Variants in POLB observed in about 807,000 individuals in gnomAD.
POLB encodes 5'-dRP lyase.
In POLB, 37 loss-of-function variants were observed where a neutral mutation model predicts 52.7. The observed-to-expected ratio is 0.70, with a 90% CI of 0.54 to 0.92. POLB has a LOEUF of 0.92. Among genes scored for constraint, POLB ranks in the 40% least tolerant of loss-of-function variants. The probability of loss-of-function intolerance (pLI) is 0.00; values close to 1 mark genes in which losing one functional copy is unlikely to be tolerated. For missense variants in POLB, 313 were observed against 400.8 expected, an observed-to-expected ratio of 0.78 and a Z score of 1.87; for synonymous variants, 138 against 131.3, an observed-to-expected ratio of 1.05 and a Z score of -0.35.
chr8:42,338,597 ACT>A lies in POLB; in HGVS notation c.-25_-24del, dbSNP rs1227657982. On this transcript the variant is annotated 5_prime_UTR_variant, in exon 1 of 14. Coordinates refer to ENST00000265421, the MANE Select transcript of POLB (RefSeq NM_002690.3). The stretch of plus-strand genomic sequence containing the variant: ...AGGGCTCTAGTCCCTGGTTCTGAAC[ACT>A]CTGGGGTTCTCGGGTGCAGGCCGCC... 2.5e-6 allele frequency: 4 copies of A among 1,607,464 alleles called. No individual in the cohort carries two copies. In the South Asian group the frequency reaches 3.3e-5, roughly 13 times the overall value.
At chr8:42,345,178 A>G (rs926674783) in intron 3 of POLB, among the ~76,000 whole-genome samples, 159 bp downstream of exon 3, 15 of 152,190 alleles carry the variant, frequency 9.9e-5, no homozygotes, top group African/African-American at 3.1e-4. Flanking sequence ...TTTCATACAC[A>G]CTTTTTCAAG....
intron 1 of POLB, 51 bp downstream of exon 1, chr8:42,338,736 T>C: frequency 6.5e-7 from 1 of 1,526,982 alleles, no homozygotes; most frequent in Non-Finnish European, 9.1e-7. Context: ...TCCAGCCTCT[T>C]CCCCTGCCTT....
intron 6 of POLB, among the ~76,000 whole-genome samples, chr8:42,354,184 ATAAC>A (rs1427366215): frequency 2.8e-4 from 43 of 152,138 alleles, no homozygotes; most frequent in Non-Finnish European, 6.0e-4. Context: ...GTTGATATCT[ATAAC>A]TATATCTGTC....
rs1207537562 is a variant in POLB, at chr8:42,339,081, C to G, written c.119+12C>G. 2 of 1,602,842 alleles carry G rather than the reference C, an allele frequency of 1.2e-6. No individual in the cohort carries two copies. The highest frequency in any genetic ancestry group is 1.7e-6 in the Non-Finnish European group (2 of 1,169,816). On this transcript the variant is annotated intron_variant, in intron 2 of 13. Transcript: ENST00000265421. Reference sequence around the variant, plus strand: ...TACAATGCTTACAGGTGGGACAGTGCAGCATTCTCGGGTAGCATACGTTCT... The same window carrying G: ...TACAATGCTTACAGGTGGGACAGTGGAGCATTCTCGGGTAGCATACGTTCT...
chr8:42,369,430 T>G, intron 12 of POLB, 95 bp downstream of exon 12: 1 of 714,172 alleles, frequency 1.4e-6, no homozygotes, highest in Non-Finnish European at 2.4e-6. Context: ...CATTCATATC[T>G]AGAGCCTTTT....
chr8:42,348,959 A>T, intron 3 of POLB, 57 bp from the exon 4 acceptor site: 1 of 890,676 alleles, frequency 1.1e-6, no homozygotes, highest in Non-Finnish European at 1.8e-6. Context: ...TTTATCTTTT[A>T]GTGATTTGGT....
chr8:42,340,908 C>T (rs1271251878), intron 2 of POLB, among the ~76,000 whole-genome samples: 1 of 152,170 alleles, frequency 6.6e-6, no homozygotes, highest in Non-Finnish European at 1.5e-5. Flanking sequence ...TGGATCACAG[C>T]AGGTCTCAGA....
intron 11 of POLB, among the ~76,000 whole-genome samples, chr8:42,367,794 A>G (rs915244674): frequency 5.9e-5 from 9 of 152,144 alleles, no homozygotes; most frequent in African/African-American, 2.2e-4. Flanking sequence ...ATATAGTAAC[A>G]CTCAGAAGAA....
chr8:42,369,776 A>G, intron 12 of POLB, 73 bp from the exon 13 acceptor site: 2 of 970,508 alleles, frequency 2.1e-6, no homozygotes, highest in South Asian at 1.7e-5. Flanking sequence ...TTCCTTATTG[A>G]TTTTAGGAGT....
intron 4 of POLB, among the ~76,000 whole-genome samples, chr8:42,349,748 A>G (rs796421360): frequency 1.1e-4 from 16 of 152,326 alleles, no homozygotes; most frequent in African/African-American, 3.8e-4. Context: ...ATTTCACCCC[A>G]TGATAGTAAT....
chr8:42,349,232 T>C, intron 4 of POLB, 142 bp downstream of exon 4: 1 of 540,502 alleles, frequency 1.9e-6, no homozygotes, highest in Non-Finnish European at 3.3e-6. Flanking sequence ...GGCTTTAACT[T>C]TTTGAATGTT....
chr8:42,342,327 C>T lies in POLB; in HGVS notation c.120-2626C>T, dbSNP rs562497612. 7 of 1,517,404 alleles carry T rather than the reference C, an allele frequency of 4.6e-6. No individual in the cohort carries two copies. In the East Asian group the frequency reaches 1.6e-4, roughly 34 times the overall value. The allele number at this position is 1,517,404 out of a possible 1,614,324, so 94.0% of individuals were successfully genotyped here. ...TATTGAGAAGCCTGTGGGCCAGCAGCAGGCCAGTACAATATGTTGCAGCAT... is the reference window on the plus strand; with the variant it reads ...TATTGAGAAGCCTGTGGGCCAGCAGTAGGCCAGTACAATATGTTGCAGCAT... On this transcript the variant is annotated intron_variant, in intron 2 of 13. Coordinates refer to ENST00000265421, the MANE Select transcript of POLB (RefSeq NM_002690.3).
At chr8:42,358,576 T>A (rs140527639) in intron 9 of POLB, among the ~76,000 whole-genome samples, 1 of 152,024 alleles carries the variant, frequency 6.6e-6, no homozygotes, top group African/African-American at 2.4e-5. Context: ...TATGTTAGAG[T>A]AGATAGAGTA....
intron 3 of POLB, among the ~76,000 whole-genome samples, chr8:42,345,312 G>A (rs890858054): frequency 3.3e-5 from 5 of 152,172 alleles, no homozygotes; most frequent in Admixed American, 2.0e-4. Context: ...TTGAGTGTTG[G>A]TTTTTAAGAA....
rs531345853 is a variant in POLB at position 42,342,367 on chromosome 8, A to C, written c.120-2586A>C. The C allele has an allele frequency of 3.5e-5, 52 of 1,493,760 alleles. No individual in the cohort carries two copies. In the African/African-American group the frequency reaches 6.9e-4, roughly 20 times the overall value. 92.5% of individuals were successfully genotyped at this position (1,493,760 alleles called of 1,614,324 possible). On this transcript the variant is annotated intron_variant, in intron 2 of 13. Coordinates refer to ENST00000265421, the MANE Select transcript of POLB (RefSeq NM_002690.3). The stretch of plus-strand genomic sequence containing the variant: ...TGTTGCAGCATAATTTGTCAGGCCA[A>C]CCTTCACACCATATTTTGGCAGTTC...
At chr8:42,339,198 G>A in intron 2 of POLB, 129 bp downstream of exon 2, 1 of 744,528 alleles carries the variant, frequency 1.3e-6, no homozygotes, top group South Asian at 1.5e-5. Context: ...AAGAATCGAG[G>A]CTGGTACCTT....
chr8:42,352,436 C>CAGCT (rs1196756026), intron 5 of POLB, 83 bp from the exon 6 acceptor site: 5 of 859,870 alleles, frequency 5.8e-6, no homozygotes, highest in Admixed American at 5.2e-5. Flanking sequence ...AGCTTAATAG[C>CAGCT]AGCTCTTCTT....
At chr8:42,338,835 G>C (rs530069825) in intron 1 of POLB, 150 bp downstream of exon 1, 18 of 990,168 alleles carry the variant, frequency 1.8e-5, no homozygotes, top group Middle Eastern at 2.1e-4. Flanking sequence ...GGCGCCCCTG[G>C]CTGGTTGTCA....
chr8:42,365,621 G>A (rs1823989655), intron 11 of POLB, among the ~76,000 whole-genome samples: 1 of 152,182 alleles, frequency 6.6e-6, no homozygotes, highest in African/African-American at 2.4e-5. Context: ...TCATCCCTGT[G>A]AAAGTCACTA....
Sources: gnomAD v4.1 joint callset for allele counts (sites outside exome capture counted in the v4.1 genomes callset) on GRCh38, gnomAD v4.1.1 for gene constraint, MANE v1.5 for transcripts, NCBI Gene and HGNC (gene_info 2026-07-23, HGNC 2026-07-21) for gene names.